C5orf52: variants seen among roughly 807,000 people sequenced by gnomAD.
C5orf52 encodes the protein chromosome 5 open reading frame 52, also known as uncharacterized protein C5orf52.
A neutral mutation model predicts 16.8 loss-of-function variants in C5orf52; 15 were observed. The observed-to-expected ratio is 0.89, with a 90% CI of 0.60 to 1.38. The LOEUF is 1.38. C5orf52 is among the 40% of genes most tolerant of loss of function. The pLI is 0.00. For synonymous variants in C5orf52, 83 were observed against 87.2 expected (o/e 0.95, Z 0.27); for missense variants, 206 against 213.1 (o/e 0.97, Z 0.21).
Position 157,671,731 on chromosome 5 carries a change from C to T in C5orf52, c.117C>T (p.Arg39=). The part of the protein sequence containing the change: ...SSATSGSNYQ[R]DRLGRRPEIG... Reference sequence around the variant, plus strand: ...CCACCTCGGGTTCGAACTACCAGCGCGATAGACTCGGCCGCCGCCCAGAAA... The same window carrying T: ...CCACCTCGGGTTCGAACTACCAGCGTGATAGACTCGGCCGCCGCCCAGAAA... The change falls in exon 1 of 3, where the codon CGC becomes CGT. Residue 39 remains arginine, a synonymous_variant. Transcript: ENST00000409999. 6.4e-7 allele frequency: 1 copy of T among 1,551,244 alleles called. No individual in the cohort carries two copies. The highest frequency in any genetic ancestry group is 8.7e-7 in the Non-Finnish European group (1 of 1,146,802).
At chr5:157,678,868 T>C (rs1334742423) in intron 2 of C5orf52, among the ~76,000 whole-genome samples, 1 of 151,904 alleles carries the variant, frequency 6.6e-6, no homozygotes, top group East Asian at 1.9e-4. Context: ...GGCACGGTGG[T>C]TCATGCCTGT....
intron 2 of C5orf52, among the ~76,000 whole-genome samples, chr5:157,677,663 AAAAAAAG>A (rs1276056828): frequency 4.3e-5 from 6 of 140,788 alleles, no homozygotes; most frequent in East Asian, 2.0e-4. Context: ...TCAAAAAAAA[AAAAAAAG>A]AAAAGAAAAG....
intron 1 of C5orf52, 74 bp downstream of exon 1, chr5:157,671,900 GC>G (rs1370875552): frequency 4.8e-6 from 5 of 1,036,890 alleles, no homozygotes; most frequent in Non-Finnish European, 6.8e-6. Flanking sequence ...TGGGACTCGC[GC>G]TCCCCTTAGC....
chr5:157,679,698 A>G, intron 2 of C5orf52, 143 bp from the exon 3 acceptor site: 2 of 724,266 alleles, frequency 2.8e-6, no homozygotes, highest in South Asian at 2.2e-5. Flanking sequence ...TCTGTGAGTC[A>G]AAGTATATGG....
At chr5:157,671,525 A>C, upstream of C5orf52, 5 of 1,108,836 alleles carry the variant, frequency 4.5e-6, no homozygotes, top group Non-Finnish European at 6.4e-6. Context: ...GGCTCCGCCC[A>C]GGGACTCACT....
At chr5:157,677,965 G>A (rs1759934458) in intron 2 of C5orf52, among the ~76,000 whole-genome samples, 1 of 151,928 alleles carries the variant, frequency 6.6e-6, no homozygotes, top group Non-Finnish European at 1.5e-5. Flanking sequence ...CCTAGCCTGG[G>A]CAATAGAGTG....
In C5orf52 at chr5:157,679,841, GT is replaced by G; in HGVS notation, c.323del (p.Val108GlyfsTer4). 1 of 1,546,020 alleles carries G rather than the reference GT, an allele frequency of 6.5e-7. No individual in the cohort carries two copies. Among genetic ancestry groups the G allele is most frequent in the South Asian group, 1.2e-5 (1 of 82,780 alleles). ...TAACCTCACCTCTGTTTTTTGTAAG[GT>G]GAGCGCTTTAGAGAAGACCAAGAAA... ...RITQRIYEME[V>X]SALEKTKKKI... is the part of the protein sequence containing the mutation. On this transcript the variant is annotated frameshift_variant and splice_region_variant, in exon 3 of 3. Coordinates refer to ENST00000409999, the MANE Select transcript of C5orf52 (RefSeq NM_001145132.2). LOFTEE classifies it high-confidence loss of function.
At chr5:157,678,997 G>C (rs749183032) in intron 2 of C5orf52, among the ~76,000 whole-genome samples, 26 of 151,972 alleles carry the variant, frequency 1.7e-4, no homozygotes, top group Admixed American at 1.0e-3. Context: ...AGCCAGGTGT[G>C]GTGGCGGGCG....
intron 2 of C5orf52, among the ~76,000 whole-genome samples, chr5:157,677,873 A>G (rs1167695675): frequency 1.3e-5 from 2 of 152,110 alleles, no homozygotes; most frequent in Admixed American, 6.5e-5. Context: ...AATCTCAGAT[A>G]CTTGGAAGGC....
At chr5:157,672,577 G>A (rs1028805678) in intron 1 of C5orf52, among the ~76,000 whole-genome samples, 1 of 151,960 alleles carries the variant, frequency 6.6e-6, no homozygotes, top group African/African-American at 2.4e-5. Context: ...CAGGATTTGG[G>A]GGACTTTTGT....
At chr5:157,679,813 T>G in intron 2 of C5orf52, 28 bp from the exon 3 acceptor site, 1 of 1,539,736 alleles carries the variant, frequency 6.5e-7, no homozygotes, top group Non-Finnish European at 8.8e-7. Context: ...AGGATCTTGA[T>G]CCTAACCTCA....
At position 157,679,952 on chromosome 5, in the gene C5orf52, G is replaced by A. The variant is rs777631429; in HGVS notation, c.433G>A (p.Val145Met). The A allele has an allele frequency of 2.4e-5, 38 of 1,551,560 alleles. 1 individual carries two copies. Among genetic ancestry groups the A allele is most frequent in the Non-Finnish European group, 3.1e-5 (36 of 1,147,000 alleles). The change falls in exon 3 of 3, where the codon GTG becomes ATG. Residue 145 changes from valine (V) to methionine (M), a missense_variant. Transcript: ENST00000409999. ...GCTCGGGCGATGGAGAGAGGAATCC[G>A]TGAACAGCAACCGGTACTTAACCTT... ...RKLGRWREES[V>M]NSNRYLTFGI...
In C5orf52 at chr5:157,679,911, CAG is replaced by C; in HGVS notation, c.395_396del (p.Glu132AlafsTer55). 1 of 1,551,788 alleles carries C rather than the reference CAG, an allele frequency of 6.4e-7. No individual in the cohort carries two copies. The highest frequency in any genetic ancestry group is 1.4e-5 in the African/African-American group (1 of 73,152). On this transcript the variant is annotated frameshift_variant, in exon 3 of 3. Transcript: ENST00000409999. LOFTEE classifies it high-confidence loss of function. The stretch of plus-strand genomic sequence containing the variant: ...GAACACCTGAAAAAAAAGTTCATGA[CAG>C]AGCAGCTCAGAAAGCTCGGGCGATG...
intron 2 of C5orf52, among the ~76,000 whole-genome samples, chr5:157,676,866 TTTTTC>T (rs1433651841): frequency 1.0e-4 from 9 of 88,460 alleles, no homozygotes; most frequent in African/African-American, 7.8e-4. Context: ...ATTTCCTTTT[TTTTTC>T]TTTTTTTTTT....
chr5:157,679,903 G>A lies in C5orf52; in HGVS notation c.384G>A (p.Lys128=). The change falls in exon 3 of 3, where the codon AAG becomes AAA. Residue 128 remains lysine, a synonymous_variant. Transcript: ENST00000409999. ...ACTACTATGAACACCTGAAAAAAAA[G>A]TTCATGACAGAGCAGCTCAGAAAGC... ...ISHYYEHLKK[K]FMTEQLRKLG... is the part of the protein sequence containing the mutation. 6.4e-7 allele frequency: 1 copy of A among 1,551,828 alleles called. No individual in the cohort carries two copies. Among genetic ancestry groups the A allele is most frequent in the African/African-American group, 1.4e-5 (1 of 73,154 alleles).
intron 2 of C5orf52, among the ~76,000 whole-genome samples, chr5:157,676,711 C>T (rs971955623): frequency 3.9e-5 from 6 of 152,016 alleles, no homozygotes; most frequent in African/African-American, 7.3e-5. Flanking sequence ...TGAACTAGTT[C>T]GAGCAAGATA....
At position 157,679,894 on chromosome 5, in the gene C5orf52, GA is replaced by G; in HGVS notation, c.383del (p.Lys128SerfsTer3). 1 of 1,551,486 alleles carries G rather than the reference GA, an allele frequency of 6.4e-7. No individual in the cohort carries two copies. The highest frequency in any genetic ancestry group is 8.7e-7 in the Non-Finnish European group (1 of 1,146,888). On this transcript the variant is annotated frameshift_variant, in exon 3 of 3. Coordinates refer to ENST00000409999, the MANE Select transcript of C5orf52 (RefSeq NM_001145132.2). LOFTEE classifies it high-confidence loss of function. ...AGATCAGCCACTACTATGAACACCTGAAAAAAAAGTTCATGACAGAGCAGCT... is the reference window on the plus strand; with the variant it reads ...AGATCAGCCACTACTATGAACACCTGAAAAAAAGTTCATGACAGAGCAGCT... ...KKISHYYEHLKKKFMTEQLRK... is the reference protein window; with the variant it reads ...KKISHYYEHLXKKFMTEQLRK...
At chr5:157,677,987 C>CA (rs879784481) in intron 2 of C5orf52, among the ~76,000 whole-genome samples, 1,575 of 139,522 alleles carry the variant, frequency 0.011, 13 homozygotes, top group African/African-American at 0.02. Context: ...GACCCTGTCT[C>CA]AAAAAAAAAA....
At chr5:157,671,507 C>G, upstream of C5orf52, 1 of 900,774 alleles carries the variant, frequency 1.1e-6, no homozygotes, top group Non-Finnish European at 1.7e-6. Flanking sequence ...GCGCCGCGCT[C>G]GGTTCAGGGC....
Sources: allele counts gnomAD v4.1 joint callset (sites outside exome capture counted in the v4.1 genomes callset), GRCh38; gene constraint gnomAD v4.1.1; transcripts MANE v1.5; gene names NCBI Gene and HGNC (gene_info 2026-07-23, HGNC 2026-07-21).